The following PCM1 variants were observed in gnomAD, a reference collection of about 807,000 sequenced individuals.
PCM1 encodes pericentriolar material 1.
A neutral mutation model predicts 241.9 loss-of-function variants in PCM1; 157 were observed. The ratio of observed to expected loss-of-function variants is 0.65; its 90% confidence interval spans 0.57 to 0.74. The LOEUF is 0.74. Ranked by LOEUF, PCM1 falls within the 30% of genes least tolerant of loss-of-function variation. The probability of loss-of-function intolerance (pLI) is 0.00; values close to 1 mark genes in which losing one functional copy is unlikely to be tolerated. For synonymous variants in PCM1, 1,085 were observed against 784.9 expected, an observed-to-expected ratio of 1.38 and a Z score of -6.39; for missense variants, 3,478 against 2,360.1, an observed-to-expected ratio of 1.47 and a Z score of -9.81.
At chr8:17,975,228 T>A (rs575380691) in intron 23 of PCM1, among the ~76,000 whole-genome samples, 129 of 152,208 alleles carry the variant, frequency 8.5e-4, no homozygotes, top group South Asian at 2.1e-3. Flanking sequence ...AAAAAAGGAT[T>A]TTTACTGTAT....
chr8:18,023,990 G>GA (rs889911090), intron 36 of PCM1, among the ~76,000 whole-genome samples: 1 of 152,196 alleles, frequency 6.6e-6, no homozygotes, highest in Non-Finnish European at 1.5e-5. Context: ...CAAAAGGGGG[G>GA]AATTGTTAAA....
At chr8:17,954,287 TGTG>T (rs1039608968) in intron 9 of PCM1, among the ~76,000 whole-genome samples, 1 of 151,436 alleles carries the variant, frequency 6.6e-6, no homozygotes, top group African/African-American at 2.4e-5. Context: ...AGTAGCCAGG[TGTG>T]GTGGTACATG....
At chr8:18,008,918 C>G (rs1214557029) in intron 30 of PCM1, among the ~76,000 whole-genome samples, 1 of 152,136 alleles carries the variant, frequency 6.6e-6, no homozygotes. Context: ...TCCTCCTTGA[C>G]ATAATAAATG....
intron 20 of PCM1, among the ~76,000 whole-genome samples, 167 bp from the exon 21 acceptor site, chr8:17,966,813 G>T (rs1229999874): frequency 6.6e-6 from 1 of 152,204 alleles, no homozygotes; most frequent in Non-Finnish European, 1.5e-5. Context: ...GTTCCAGAGG[G>T]AAAGTTATTG....
At chr8:18,020,646 A>G (rs208026) in intron 36 of PCM1, among the ~76,000 whole-genome samples, 114,966 of 152,182 alleles carry the variant, frequency 0.76, 43,918 homozygotes, top group African/African-American at 0.81. Context: ...AACTGTAGAG[A>G]AGAAATACTG....
chr8:17,989,222 G>T (rs1269764325), intron 26 of PCM1, among the ~76,000 whole-genome samples: 2 of 151,984 alleles, frequency 1.3e-5, no homozygotes, highest in Non-Finnish European at 2.9e-5. Flanking sequence ...TTTGTATGAA[G>T]TTCTACAACC....
chr8:18,006,996 C>A lies in PCM1; in HGVS notation c.4962+599C>A, dbSNP rs567031126. Among the ~76,000 whole-genome samples, 3 of 152,252 alleles carry A rather than the reference C, an allele frequency of 2.0e-5. No individual in the cohort carries two copies. The East Asian group carries it at 5.8e-4, about 29-fold the overall frequency. ...GAATCTTGATAAACATTTGACAATA[C>A]ACAGGACAGTACCCCATAGCAAAGT... On this transcript the variant is annotated intron_variant, in intron 30 of 38. Transcript: ENST00000325083.
At chr8:17,959,306 T>C (rs2070452629) in intron 13 of PCM1, among the ~76,000 whole-genome samples, 1 of 136,418 alleles carries the variant, frequency 7.3e-6, no homozygotes, top group African/African-American at 2.8e-5. Flanking sequence ...AATTATAAAA[T>C]ATAAATAATA....
At chr8:17,944,923 C>T (rs543801821) in intron 6 of PCM1, among the ~76,000 whole-genome samples, 154 of 152,212 alleles carry the variant, frequency 1.0e-3, no homozygotes, top group Middle Eastern at 3.4e-3. Flanking sequence ...TAGGTTATCA[C>T]AGTTTTGTGA....
intron 23 of PCM1, among the ~76,000 whole-genome samples, chr8:17,975,804 A>G (rs1355652742): frequency 2.0e-5 from 3 of 152,222 alleles, no homozygotes; most frequent in African/African-American, 7.2e-5. Flanking sequence ...GAAGGTCTTT[A>G]TATATGAAAA....
intron 29 of PCM1, among the ~76,000 whole-genome samples, chr8:18,002,320 C>T (rs1437029777): frequency 3.0e-4 from 1 of 3,342 alleles, no homozygotes; most frequent in Non-Finnish European, 5.6e-4. Context: ...TGAGAATATG[C>T]GGTGTTTGGT....
chr8:18,027,968 A>G lies in PCM1; in HGVS notation c.*306A>G. The stretch of plus-strand genomic sequence containing the variant: ...TTTTAAATAAAGTTTGGACTTATCT[A>G]TAAAGTATCTTTTTTGGAAATTATA... On this transcript the variant is annotated 3_prime_UTR_variant, in exon 39 of 39. Coordinates refer to ENST00000325083, the MANE Select transcript of PCM1 (RefSeq NM_006197.4). 3.3e-6 allele frequency: 1 copy of G among 299,868 alleles called. No homozygotes were observed. The highest frequency in any genetic ancestry group is 6.1e-6 in the Non-Finnish European group (1 of 163,688). 18.6% of individuals were successfully genotyped at this position (299,868 alleles called of 1,614,324 possible).
chr8:17,944,848 T>C (rs2063276479), intron 6 of PCM1, among the ~76,000 whole-genome samples: 1 of 152,164 alleles, frequency 6.6e-6, no homozygotes, highest in African/African-American at 2.4e-5. Flanking sequence ...AAATTGAGAA[T>C]TCATTTTTAG....
At position 18,027,835 on chromosome 8, in the gene PCM1, G is replaced by A. The variant is rs1162605598; in HGVS notation, c.*173G>A. 1 of 428,390 alleles carries A rather than the reference G, an allele frequency of 2.3e-6. No homozygotes were observed. The highest frequency in any genetic ancestry group is 4.1e-6 in the Non-Finnish European group (1 of 241,678). 26.5% of individuals were successfully genotyped at this position (428,390 alleles called of 1,614,324 possible). A position where few individuals can be genotyped will look rare whatever the true frequency, so the allele number is the denominator to read the frequency against. On this transcript the variant is annotated 3_prime_UTR_variant, in exon 39 of 39. Coordinates refer to ENST00000325083, the MANE Select transcript of PCM1 (RefSeq NM_006197.4). ...TTTAAAACATCAGAAACTGAATTCTGGACAGATTTAAGCCTTGACACACTG... is the reference window on the plus strand; with the variant it reads ...TTTAAAACATCAGAAACTGAATTCTAGACAGATTTAAGCCTTGACACACTG...
chr8:17,956,951 A>G (rs1224204635), intron 11 of PCM1, among the ~76,000 whole-genome samples, 174 bp downstream of exon 11: 3 of 152,222 alleles, frequency 2.0e-5, no homozygotes, highest in Non-Finnish European at 2.9e-5. Flanking sequence ...ATAGGGAAGT[A>G]TGGAGTACAA....
Position 17,938,870 on chromosome 8 carries a change from CAA to C in PCM1, c.475_476del (p.Asn159ProfsTer13). ...ACTAACAAGAGCAAAGATGCATCTA[CAA>C]ACCCCCCAAACAGAGAAACGATTGG... On this transcript the variant is annotated frameshift_variant, in exon 5 of 39. Coordinates refer to ENST00000325083, the MANE Select transcript of PCM1 (RefSeq NM_006197.4). LOFTEE classifies it high-confidence loss of function. 1.2e-6 allele frequency: 2 copies of C among 1,613,736 alleles called. No individual in the cohort carries two copies. The highest frequency in any genetic ancestry group is 1.7e-6 in the Non-Finnish European group (2 of 1,179,632).
intron 24 of PCM1, among the ~76,000 whole-genome samples, chr8:17,981,901 A>AG (rs1171602089): frequency 1.0e-4 from 6 of 57,834 alleles, no homozygotes; most frequent in African/African-American, 1.9e-4. Flanking sequence ...AGAAGACAAA[A>AG]GGGGAAAAAA....
At chr8:18,011,900 A>C (rs575263492) in intron 34 of PCM1, 73 bp downstream of exon 34, 1 of 1,319,932 alleles carries the variant, frequency 7.6e-7, no homozygotes, top group Admixed American at 2.1e-5. Flanking sequence ...GCCTTATTTT[A>C]ACTAATCAAA....
At chr8:17,955,158 C>T (rs145587041) in intron 9 of PCM1, among the ~76,000 whole-genome samples, 32 of 152,216 alleles carry the variant, frequency 2.1e-4, no homozygotes, top group African/African-American at 7.0e-4. Flanking sequence ...GAGTACTTCT[C>T]TAGTTAGTTT....
Sources: gnomAD v4.1 joint callset for allele counts (sites outside exome capture counted in the v4.1 genomes callset) on GRCh38, gnomAD v4.1.1 for gene constraint, MANE v1.5 for transcripts, NCBI Gene and HGNC (gene_info 2026-07-23, HGNC 2026-07-21) for gene names.